KDM4C: variants seen among roughly 807,000 people sequenced by gnomAD.
The protein encoded by KDM4C is lysine demethylase 4C, also known as lysine-specific demethylase 4C.
A neutral mutation model predicts 129.3 loss-of-function variants in KDM4C; 81 were observed. The ratio of observed to expected loss-of-function variants is 0.63; its 90% CI spans 0.52 to 0.75. The LOEUF is 0.75. Ranked by LOEUF, KDM4C falls within the 30% of genes least tolerant of loss-of-function variation. KDM4C has a pLI of 0.00. For synonymous variants in KDM4C, 573 were observed against 456.1 expected, an observed-to-expected ratio of 1.26 and a Z score of -3.26; for missense variants, 1,457 against 1,304.0, an observed-to-expected ratio of 1.12 and a Z score of -1.81.
intron 8 of KDM4C, among the ~76,000 whole-genome samples, chr9:6,939,659 A>G (rs1825481816): frequency 6.6e-6 from 1 of 152,148 alleles, no homozygotes; most frequent in South Asian, 2.1e-4. Context: ...GCTATCACAT[A>G]GTTACTTTAG....
intron 1 of KDM4C, among the ~76,000 whole-genome samples, chr9:6,787,729 T>G (rs983274747): frequency 6.6e-6 from 1 of 152,228 alleles, no homozygotes; most frequent in Non-Finnish European, 1.5e-5. Flanking sequence ...GCTTCCAGCC[T>G]TGTCCTTTTT....
chr9:6,956,802 T>G (rs540369899), intron 8 of KDM4C, among the ~76,000 whole-genome samples: 1 of 152,318 alleles, frequency 6.6e-6, no homozygotes, highest in African/African-American at 2.4e-5. Context: ...ATGCTTTATG[T>G]TTTTTGGTAG....
chr9:7,002,513 A>G (rs1820914073), intron 12 of KDM4C, among the ~76,000 whole-genome samples: 1 of 152,180 alleles, frequency 6.6e-6, no homozygotes, highest in Admixed American at 6.5e-5. Context: ...TCTTCAGATC[A>G]TGTGGCTCTT....
chr9:6,968,762 G>A (rs1450634403), intron 8 of KDM4C, among the ~76,000 whole-genome samples: 3 of 152,142 alleles, frequency 2.0e-5, no homozygotes, highest in African/African-American at 7.2e-5. Flanking sequence ...TTATATCTCT[G>A]TGGTTATTGG....
intron 5 of KDM4C, among the ~76,000 whole-genome samples, chr9:6,866,754 C>T (rs954044460): frequency 6.6e-6 from 1 of 151,860 alleles, no homozygotes. Flanking sequence ...TGACTTCAGG[C>T]AGATCAAAGG....
In KDM4C at chr9:6,814,687, A is replaced by C; in HGVS notation, c.377A>C (p.Asn126Thr). The C allele has an allele frequency of 6.2e-7, 1 of 1,611,952 alleles. No individual in the cohort carries two copies. Among genetic ancestry groups the C allele is most frequent in the Non-Finnish European group, 8.5e-7 (1 of 1,178,936 alleles). Residue 126 changes from asparagine to threonine, a missense_variant, in exon 4 of 22, where the codon AAC becomes ACC. Physicochemically the swap from Asn to Thr is moderately conservative, Grantham distance 65 (BLOSUM62 0). Transcript: ENST00000381309. ...GATTTGGAGCGCAAGTACTGGAAGA[A>C]CTTAACTTTTGTGGCACCTATCTAT... ...YEDLERKYWK[N>T]LTFVAPIYGA...
At chr9:6,821,148 C>G (rs571829556) in intron 4 of KDM4C, among the ~76,000 whole-genome samples, 5 of 152,200 alleles carry the variant, frequency 3.3e-5, no homozygotes, top group African/African-American at 7.2e-5. Flanking sequence ...GGTTCCAAGT[C>G]TTTGCTGTTG....
chr9:6,893,100 C>A lies in KDM4C; in HGVS notation c.789C>A (p.Thr263=), dbSNP rs1261217087. 1.3e-6 allele frequency: 2 copies of A among 1,576,590 alleles called. No individual in the cohort carries two copies. Among genetic ancestry groups the A allele is most frequent in the African/African-American group, 1.4e-5 (1 of 72,964 alleles). ...ATATGTTTCCTACCTTGCAGATAAC[C>A]CAGGAGGCTGGAGAATTCATGATCA... ...KKYGIPFDKI[T]QEAGEFMITF... is the part of the protein sequence containing the mutation. The change falls in exon 8 of 22, where the codon ACC becomes ACA. Residue 263 remains threonine, a synonymous_variant. Coordinates refer to ENST00000381309, the MANE Select transcript of KDM4C (RefSeq NM_015061.6).
chr9:6,834,444 T>G (rs572642743), intron 4 of KDM4C: 1 of 475,608 alleles, frequency 2.1e-6, no homozygotes, highest in Non-Finnish European at 4.1e-6. Context: ...CCACACCCGC[T>G]ACCAGCTCAC....
intron 5 of KDM4C, among the ~76,000 whole-genome samples, chr9:6,852,132 TAG>T (rs1353059090): frequency 2.0e-5 from 3 of 152,178 alleles, no homozygotes; most frequent in African/African-American, 7.2e-5. Context: ...TATTTTCTAG[TAG>T]ATGTATGAAA....
At chr9:6,820,714 CTTTTTTTTTT>C (rs35264767) in intron 4 of KDM4C, among the ~76,000 whole-genome samples, 5 of 127,152 alleles carry the variant, frequency 3.9e-5, no homozygotes, top group South Asian at 2.6e-4. Context: ...CTCTCTCTCT[CTTTTTTTTTT>C]TTTTTTTTTT....
chr9:7,072,604 G>T (rs1464192602), intron 17 of KDM4C, among the ~76,000 whole-genome samples: 2 of 152,086 alleles, frequency 1.3e-5, no homozygotes, highest in African/African-American at 4.8e-5. Flanking sequence ...ATTAGTGCTG[G>T]GCCTTATGCA....
intron 15 of KDM4C, among the ~76,000 whole-genome samples, chr9:7,035,002 CTTTGTTTCTTTTTG>C (rs1208099987): frequency 1.3e-5 from 2 of 151,894 alleles, no homozygotes; most frequent in Admixed American, 1.3e-4. Flanking sequence ...TTTGCCCATT[CTTTGTTTCTTTTTG>C]TTTGTTTGTT....
chr9:6,762,806 C>T (rs1474629992), intron 1 of KDM4C, among the ~76,000 whole-genome samples: 1 of 151,674 alleles, frequency 6.6e-6, no homozygotes, highest in African/African-American at 2.4e-5. Flanking sequence ...TTACAGGCAC[C>T]TGCCATCACG....
At position 7,164,322 on chromosome 9, in the gene KDM4C, C is replaced by T. The variant is rs563439128; in HGVS notation, c.2782-916C>T. Among the ~76,000 whole-genome samples, 32 of 150,188 alleles carry T rather than the reference C, an allele frequency of 2.1e-4. No homozygotes were observed. In the South Asian group the frequency reaches 5.5e-3, roughly 26 times the overall value. On this transcript the variant is annotated intron_variant, in intron 19 of 21. Coordinates refer to ENST00000381309, the MANE Select transcript of KDM4C (RefSeq NM_015061.6). ...TCTGAACAAATGTTTAAATGTTTTA[C>T]TAACTTCCCTGTCCCCCTGCCACGC...
intron 1 of KDM4C, among the ~76,000 whole-genome samples, chr9:6,766,353 A>G (rs1004624016): frequency 1.2e-4 from 18 of 152,118 alleles, no homozygotes; most frequent in Non-Finnish European, 5.9e-5. Context: ...CTTATGTATG[A>G]TAATCGTACA....
chr9:6,998,179 C>G (rs183777340), intron 12 of KDM4C, among the ~76,000 whole-genome samples: 2 of 152,286 alleles, frequency 1.3e-5, no homozygotes, highest in African/African-American at 4.8e-5. Flanking sequence ...TCTGTAATGT[C>G]TGCATGCCTT....
At chr9:6,801,901 T>C (rs1294574306) in intron 2 of KDM4C, among the ~76,000 whole-genome samples, 1 of 151,902 alleles carries the variant, frequency 6.6e-6, no homozygotes, top group Non-Finnish European at 1.5e-5. Context: ...GGTCAGGAGT[T>C]CGAGACCAGC....
At chr9:6,908,451 C>T (rs1676483617) in intron 8 of KDM4C, among the ~76,000 whole-genome samples, 1 of 152,134 alleles carries the variant, frequency 6.6e-6, no homozygotes, top group Non-Finnish European at 1.5e-5. Flanking sequence ...GTGCAGGTCC[C>T]CCACCACTCA....
Sources: gnomAD v4.1 joint callset for allele counts (sites outside exome capture counted in the v4.1 genomes callset) on GRCh38, gnomAD v4.1.1 for gene constraint, MANE v1.5 for transcripts, NCBI Gene and HGNC (gene_info 2026-07-23, HGNC 2026-07-21) for gene names.